Variants in STARD9 observed in about 807,000 individuals in gnomAD.
STARD9 encodes the protein StAR related lipid transfer domain containing 9.
Under a neutral mutation model 399.8 loss-of-function variants are expected in STARD9, and 346 were observed. That is an observed-to-expected ratio of 0.87 (90% CI 0.79 to 0.95). The LOEUF is 0.95. Ranked by LOEUF, STARD9 falls within the 40% of genes least tolerant of loss-of-function variation. STARD9 has a pLI of 0.00. For missense variants in STARD9, 5,832 were observed against 5,667.5 expected (o/e 1.03, Z -0.93); for synonymous variants, 2,203 against 2,143.5 (o/e 1.03, Z -0.77).
At chr15:42,654,753 A>G (rs531747719) in intron 9 of STARD9, among the ~76,000 whole-genome samples, 1 of 152,342 alleles carries the variant, frequency 6.6e-6, no homozygotes, top group South Asian at 2.1e-4. Context: ...GAAGAACTAC[A>G]AAACACCGCT....
chr15:42,594,958 GT>G (rs1436345240), intron 3 of STARD9, among the ~76,000 whole-genome samples: 10 of 152,200 alleles, frequency 6.6e-5, no homozygotes, highest in African/African-American at 2.4e-4. Flanking sequence ...CAGCATTTCT[GT>G]TTGGGAAACC....
chr15:42,604,748 A>G (rs1341598754), intron 3 of STARD9, among the ~76,000 whole-genome samples: 2 of 147,116 alleles, frequency 1.4e-5, no homozygotes, highest in Non-Finnish European at 3.0e-5. Context: ...GGCTCAAGCA[A>G]TCCTCCCAAC....
chr15:42,633,679 T>C (rs913419238), intron 3 of STARD9, among the ~76,000 whole-genome samples: 17 of 151,048 alleles, frequency 1.1e-4, no homozygotes, highest in African/African-American at 3.7e-4. Context: ...AGTCTCACTC[T>C]GTCGCCTAGG....
intron 3 of STARD9, among the ~76,000 whole-genome samples, chr15:42,592,946 G>A (rs2058430375): frequency 2.6e-5 from 4 of 152,146 alleles, no homozygotes; most frequent in Admixed American, 2.6e-4. Flanking sequence ...CTTACTTTGG[G>A]CAAGTTGCTT....
chr15:42,576,652 A>G (rs2058063100), intron 1 of STARD9, among the ~76,000 whole-genome samples: 1 of 152,204 alleles, frequency 6.6e-6, no homozygotes, highest in Non-Finnish European at 1.5e-5. Context: ...CAGGAGGCAC[A>G]TGTTGGAATT....
Position 42,693,013 on chromosome 15 carries a change from C to T in STARD9, c.11435C>T (p.Pro3812Leu). 1 of 1,537,170 alleles carries T rather than the reference C, an allele frequency of 6.5e-7. No homozygotes were observed. The highest frequency in any genetic ancestry group is 8.7e-7 in the Non-Finnish European group (1 of 1,146,886). Residue 3812 changes from proline to leucine, a missense_variant, in exon 23 of 33, where the codon CCT becomes CTT. Physicochemically the swap from Pro to Leu is moderately conservative, Grantham distance 98 (BLOSUM62 -3). Coordinates refer to ENST00000290607, the MANE Select transcript of STARD9 (RefSeq NM_020759.3). ...EESTPYKPQS[P>L]SIPSSHLRFQ... ...AGCACTCCCTACAAGCCCCAGAGCC[C>T]TTCAATACCCTCATCCCACTTGAGG...
rs1313980393 is a variant in STARD9, at chr15:42,692,100, G to A, written c.10522G>A (p.Val3508Met). ...QKPQGLTLSNVARCSSMDNGL... is the reference protein window; with the variant it reads ...QKPQGLTLSNMARCSSMDNGL... ...GCCCCAGGGGCTGACACTATCAAAT[G>A]TGGCCCGGTGCTCCAGCATGGACAA... Residue 3508 changes from valine to methionine, a missense_variant, in exon 23 of 33, where the codon GTG (valine) becomes ATG (methionine). By Grantham distance (21) the Val-to-Met change is conservative (BLOSUM62 1). Coordinates refer to ENST00000290607, the MANE Select transcript of STARD9 (RefSeq NM_020759.3). The A allele has an allele frequency of 6.5e-7, 1 of 1,537,094 alleles. No individual in the cohort carries two copies. Among genetic ancestry groups the A allele is most frequent in the Non-Finnish European group, 8.7e-7 (1 of 1,146,926 alleles).
Position 42,685,106 on chromosome 15 carries a change from GA to G in STARD9, c.3529del (p.Thr1177ProfsTer7). 1 of 1,537,234 alleles carries G rather than the reference GA, an allele frequency of 6.5e-7. No individual in the cohort carries two copies. Among genetic ancestry groups the G allele is most frequent in the Non-Finnish European group, 8.7e-7 (1 of 1,146,922 alleles). On this transcript the variant is annotated frameshift_variant, in exon 23 of 33. Coordinates refer to ENST00000290607, the MANE Select transcript of STARD9 (RefSeq NM_020759.3). LOFTEE classifies it high-confidence loss of function. ...RPTNNRGQPR[T>X]RTRASVRGFT... ...CCACCAACAACCGTGGCCAACCCAG[GA>G]CCAGAACTAGAGCTTCTGTGAGGGG...
chr15:42,583,642 A>C (rs1417326423), intron 2 of STARD9, among the ~76,000 whole-genome samples: 3 of 152,186 alleles, frequency 2.0e-5, no homozygotes. Flanking sequence ...GATAGGGTGC[A>C]TCTGTTTTGG....
chr15:42,636,379 G>A (rs1017847796), intron 4 of STARD9, among the ~76,000 whole-genome samples: 2 of 152,080 alleles, frequency 1.3e-5, no homozygotes, highest in African/African-American at 2.4e-5. Context: ...TCAGGAGTTC[G>A]AGGCCAGCCT....
Position 42,686,937 on chromosome 15 carries a change from C to T in STARD9, c.5359C>T (p.Gln1787Ter). 9 of 1,536,688 alleles carry T rather than the reference C, an allele frequency of 5.9e-6. No homozygotes were observed. Among genetic ancestry groups the T allele is most frequent in the Non-Finnish European group, 7.8e-6 (9 of 1,146,830 alleles). Residue 1787 changes from glutamine (Q) to a stop codon, truncating the protein, a stop_gained, in exon 23 of 33, where the codon CAA becomes TAA. Transcript: ENST00000290607. LOFTEE classifies it high-confidence loss of function. ...REAWGFGHNH[Q>*]ALQGAYLKNN... ...AGCCTGGGGCTTTGGTCACAACCAC[C>T]AAGCTCTCCAAGGTGCTTATTTGAA...
At chr15:42,658,210 T>C (rs768707108) in intron 9 of STARD9, among the ~76,000 whole-genome samples, 7 of 152,006 alleles carry the variant, frequency 4.6e-5, no homozygotes, top group Non-Finnish European at 8.8e-5. Flanking sequence ...AGTGGCACAA[T>C]CATGGCTCAC....
intron 26 of STARD9, among the ~76,000 whole-genome samples, chr15:42,702,393 G>A (rs548983860): frequency 3.3e-5 from 5 of 152,126 alleles, no homozygotes; most frequent in East Asian, 3.9e-4. Context: ...TAGTAGAGAC[G>A]GGGTTTCGCT....
At chr15:42,645,521 C>T (rs973340750) in intron 7 of STARD9, among the ~76,000 whole-genome samples, 1 of 151,532 alleles carries the variant, frequency 6.6e-6, no homozygotes, top group Non-Finnish European at 1.5e-5. Context: ...ATTTATAGGG[C>T]ACAGGCAGAG....
chr15:42,718,150 A>C lies in STARD9; in HGVS notation c.13733A>C (p.His4578Pro). ...YYKPIQTARLHQRVTNSISLV... is the reference protein window; with the variant it reads ...YYKPIQTARLPQRVTNSISLV... The stretch of plus-strand genomic sequence containing the variant: ...AAGCCCATCCAGACAGCAAGGCTGC[A>C]TCAGCGAGTGACCAACAGCATCAGC... The change falls in exon 30 of 33, where the codon CAT (histidine) becomes CCT (proline). Residue 4578 changes from histidine (H) to proline (P), a missense_variant. By Grantham distance (77) the His-to-Pro change is moderately conservative. Around this residue, in one of 2 missense-constraint regions of STARD9, gnomAD observed 5,828 missense variants for 5,651.1 expected, o/e 1.03. Coordinates refer to ENST00000290607, the MANE Select transcript of STARD9 (RefSeq NM_020759.3). The C allele has an allele frequency of 6.5e-7, 1 of 1,537,058 alleles. No individual in the cohort carries two copies. The highest frequency in any genetic ancestry group is 1.4e-5 in the African/African-American group (1 of 73,142).
chr15:42,626,837 G>A (rs947591964), intron 3 of STARD9, among the ~76,000 whole-genome samples: 2 of 151,624 alleles, frequency 1.3e-5, no homozygotes, highest in African/African-American at 2.4e-5. Flanking sequence ...GTTTATGTGA[G>A]GGTTTTTGAT....
chr15:42,711,139 CTTTT>C (rs1253145945), intron 26 of STARD9, among the ~76,000 whole-genome samples: 3 of 140,068 alleles, frequency 2.1e-5, no homozygotes, highest in Admixed American at 7.1e-5. Context: ...TACCACATAA[CTTTT>C]TTTTTTTTTT....
At chr15:42,652,467 A>G (rs1595710393) in intron 8 of STARD9, 53 bp from the exon 9 acceptor site, 5 of 1,429,034 alleles carry the variant, frequency 3.5e-6, no homozygotes, top group African/African-American at 2.8e-5. Flanking sequence ...ATCCTTAAGA[A>G]TCCACCATGT....
At chr15:42,674,614 C>G in intron 17 of STARD9, 123 bp downstream of exon 17, 1 of 1,194,756 alleles carries the variant, frequency 8.4e-7, no homozygotes, top group Non-Finnish European at 1.2e-6. Context: ...GGGCCTGCTT[C>G]TCTTTCTGCT....
Sources: allele counts gnomAD v4.1 joint callset (sites outside exome capture counted in the v4.1 genomes callset), GRCh38; gene constraint gnomAD v4.1.1; regional missense constraint gnomAD v4.1.1; transcripts MANE v1.5; gene names NCBI Gene and HGNC (gene_info 2026-07-23, HGNC 2026-07-21).